Variants in RNPEPL1 observed in about 807,000 individuals in gnomAD.
RNPEPL1 encodes aminopeptidase RNPEPL1.
In RNPEPL1, 46 loss-of-function variants were observed where a neutral mutation model predicts 69.0. That is an observed-to-expected ratio of 0.67 (90% CI 0.53 to 0.85). The LOEUF (loss-of-function observed/expected upper bound fraction) is 0.85, where lower values mean the gene tolerates loss of function less well. RNPEPL1 is among the 40% of genes least tolerant of loss of function. The pLI is 0.00. For synonymous variants in RNPEPL1, 525 were observed against 454.1 expected, an observed-to-expected ratio of 1.16 and a Z score of -1.98; for missense variants, 869 against 992.5, an observed-to-expected ratio of 0.88 and a Z score of 1.67.
chr2:240,572,122 G>A (rs555944505), intron 1 of RNPEPL1, among the ~76,000 whole-genome samples: 18 of 152,108 alleles, frequency 1.2e-4, no homozygotes, highest in Admixed American at 2.6e-4. Flanking sequence ...CCCTTTTTTC[G>A]CCTTGGCGTT....
In RNPEPL1 at chr2:240,568,619, C is replaced by A. The variant is rs1383236925; in HGVS notation, c.33C>A (p.Pro11=). 2 of 994,114 alleles carry A rather than the reference C, an allele frequency of 2.0e-6. No homozygotes were observed. The highest frequency in any genetic ancestry group is 2.2e-4 in the East Asian group (2 of 9,164). 61.6% of individuals were successfully genotyped at this position (994,114 alleles called of 1,614,324 possible). A position where few individuals can be genotyped will look rare whatever the true frequency, so the allele number is the denominator to read the frequency against. The part of the protein sequence containing the change: MAAQCCCRQA[P]GAEAAPVRPP... ...CGCAGTGCTGCTGCCGCCAGGCGCC[C>A]GGCGCCGAGGCCGCGCCCGTCCGCC... is the stretch of plus-strand genomic sequence containing the variant. Residue 11 remains proline, a synonymous_variant, in exon 1 of 11, where the codon CCC becomes CCA. Transcript: ENST00000270357. The surrounding 1 kb of genome is among the most constrained non-coding windows in gnomAD (Gnocchi z 6.2).
intron 1 of RNPEPL1, among the ~76,000 whole-genome samples, chr2:240,571,480 GGTGATGT>G (rs2093021325): frequency 6.6e-6 from 1 of 152,178 alleles, no homozygotes; most frequent in African/African-American, 2.4e-5. Context: ...TTGGGACGAA[GGTGATGT>G]GGCTGTGGTT....
rs754966927 is a variant in RNPEPL1, at chr2:240,575,032, G to A, written c.1291G>A (p.Val431Met). 6.2e-7 allele frequency: 1 copy of A among 1,612,988 alleles called. No homozygotes were observed. Among genetic ancestry groups the A allele is most frequent in the African/African-American group, 1.3e-5 (1 of 75,052 alleles). The change falls in exon 7 of 11, where the codon GTG becomes ATG. Residue 431 changes from valine (V) to methionine (M), a missense_variant and splice_region_variant. Coordinates refer to ENST00000270357, the MANE Select transcript of RNPEPL1 (RefSeq NM_018226.6). ...CCAGGTGGGTGTTCACCTTGCAGGA[G>A]TGAATCCCAGCCACCTGATGAACCT... ...SKLQVKLEPG[V>M]NPSHLMNLFT...
At chr2:240,574,446 C>T (rs2093031949) in intron 5 of RNPEPL1, 69 bp from the exon 6 acceptor site, 1 of 1,531,254 alleles carries the variant, frequency 6.5e-7, no homozygotes. Flanking sequence ...TGCAGGTGCC[C>T]ACACCTCCTG....
chr2:240,578,083 T>C lies in RNPEPL1; in HGVS notation c.*191T>C. On this transcript the variant is annotated 3_prime_UTR_variant, in exon 11 of 11. Transcript: ENST00000270357. ...TGTGTCTGGCAGAGACCTGTGGACC[T>C]GGCCTCCCCACTCCCAGCTCTCTTG... The C allele has an allele frequency of 2.0e-6, 1 of 502,286 alleles. No individual in the cohort carries two copies. Among genetic ancestry groups the C allele is most frequent in the Non-Finnish European group, 3.3e-6 (1 of 298,840 alleles). The allele number at this position is 502,286 out of a possible 1,614,324, so 31.1% of individuals were successfully genotyped here. A position where few individuals can be genotyped will look rare whatever the true frequency, so the allele number is the denominator to read the frequency against.
chr2:240,575,085 C>T lies in RNPEPL1; in HGVS notation c.1344C>T (p.Phe448=), dbSNP rs374507932. The T allele has an allele frequency of 8.9e-5, 143 of 1,613,726 alleles. No individual in the cohort carries two copies. The highest frequency in any genetic ancestry group is 3.3e-4 in the Middle Eastern group (2 of 6,082). ...NLFTYEKGYC[F]VYYLSQLCGD... is the part of the protein sequence containing the mutation. ...TCACCTACGAGAAGGGCTACTGCTTCGTGTACTACCTGTCCCAGCTCTGCG... is the reference window on the plus strand; with the variant it reads ...TCACCTACGAGAAGGGCTACTGCTTTGTGTACTACCTGTCCCAGCTCTGCG... Residue 448 remains phenylalanine, a synonymous_variant, in exon 7 of 11, where the codon TTC becomes TTT. Transcript: ENST00000270357.
chr2:240,577,827 C>T lies in RNPEPL1; in HGVS notation c.2113C>T (p.Leu705=). 6.3e-7 allele frequency: 1 copy of T among 1,598,536 alleles called. No homozygotes were observed. Among genetic ancestry groups the T allele is most frequent in the Admixed American group, 1.7e-5 (1 of 59,138 alleles). Residue 705 remains leucine, a synonymous_variant, in exon 11 of 11, where the codon CTG becomes TTG. Coordinates refer to ENST00000270357, the MANE Select transcript of RNPEPL1 (RefSeq NM_018226.6). ...AGACACAGACTCGGACGCACAGGCCCTGCTGCTTGGGGACGAGGCCCCCAG... is the reference window on the plus strand; with the variant it reads ...AGACACAGACTCGGACGCACAGGCCTTGCTGCTTGGGGACGAGGCCCCCAG... ...EADTDSDAQA[L]LLGDEAPSSA... is the part of the protein sequence containing the mutation.
chr2:240,568,806 G>C lies in RNPEPL1; in HGVS notation c.220G>C (p.Ala74Pro). ...ELCALRPAPR[A>P]LVLDAHPALR... ...GTGCGCGCTGCGGCCCGCGCCCCGC[G>C]CGCTCGTGCTCGACGCGCACCCGGC... The change falls in exon 1 of 11, where the codon GCG becomes CCG. Residue 74 changes from alanine (A) to proline (P), a missense_variant. Coordinates refer to ENST00000270357, the MANE Select transcript of RNPEPL1 (RefSeq NM_018226.6). This position sits in a 1 kb window ranked among gnomAD's most constrained non-coding sequence, Gnocchi z 6.2. The C allele has an allele frequency of 3.7e-6, 4 of 1,094,098 alleles. No individual in the cohort carries two copies. The highest frequency in any genetic ancestry group is 4.4e-6 in the Non-Finnish European group (4 of 899,100). 67.8% of individuals were successfully genotyped at this position (1,094,098 alleles called of 1,614,324 possible).
intron 3 of RNPEPL1, among the ~76,000 whole-genome samples, chr2:240,573,496 C>T (rs1405763251): frequency 1.3e-5 from 2 of 152,234 alleles, no homozygotes; most frequent in African/African-American, 4.8e-5. Context: ...TCCTTCCTGC[C>T]AAGGCCCCCG....
intron 4 of RNPEPL1, 106 bp downstream of exon 4, chr2:240,573,997 G>T (rs948476172): frequency 7.2e-7 from 1 of 1,379,532 alleles, no homozygotes; most frequent in Admixed American, 2.0e-5. Context: ...TGGGGAGGAA[G>T]CGGAGCTCAC....
rs2093051462 is a variant in RNPEPL1 at position 240,581,311 on chromosome 2, A to G, written c.*3419A>G. On this transcript the variant is annotated 3_prime_UTR_variant, in exon 11 of 11. Coordinates refer to ENST00000270357, the MANE Select transcript of RNPEPL1 (RefSeq NM_018226.6). ...AAGAACAGGTAGTTTATAAAAAAGA[A>G]CCAGTCAGAGACCCTGGAAATTTTT... 6.6e-6 allele frequency: 1 copy of G among 152,270 alleles called. No homozygotes were observed. The highest frequency in any genetic ancestry group is 2.4e-5 in the African/African-American group (1 of 41,466). The allele number at this position is 152,270 out of a possible 1,614,324, so 9.4% of individuals were successfully genotyped here.
intron 3 of RNPEPL1, 87 bp downstream of exon 3, chr2:240,573,348 C>T (rs2093027959): frequency 7.8e-6 from 11 of 1,413,268 alleles, no homozygotes; most frequent in South Asian, 2.8e-5. Flanking sequence ...CCACGGCTGC[C>T]CTGCTGAGGA....
At chr2:240,575,377 C>T in intron 7 of RNPEPL1, 125 bp from the exon 8 acceptor site, 1 of 871,622 alleles carries the variant, frequency 1.1e-6, no homozygotes, top group East Asian at 2.5e-5. Flanking sequence ...TCCGCAGTGC[C>T]CACTAGCTGC....
At chr2:240,577,528 C>T (rs751995873) in intron 10 of RNPEPL1, 71 bp from the exon 11 acceptor site, 40 of 1,479,506 alleles carry the variant, frequency 2.7e-5, no homozygotes, top group South Asian at 6.8e-5. Context: ...GCCGCCTGGC[C>T]GGGCTGGCAG....
intron 7 of RNPEPL1, 49 bp from the exon 8 acceptor site, chr2:240,575,453 C>G: frequency 6.6e-7 from 1 of 1,504,116 alleles, no homozygotes; most frequent in Non-Finnish European, 9.2e-7. Context: ...GTGGGGCTGC[C>G]TGTGCCCCAC....
In RNPEPL1 at chr2:240,580,007, A is replaced by G. The variant is rs911347526; in HGVS notation, c.*2115A>G. On this transcript the variant is annotated 3_prime_UTR_variant, in exon 11 of 11. Coordinates refer to ENST00000270357, the MANE Select transcript of RNPEPL1 (RefSeq NM_018226.6). ...TTTGGGAAACTCAGCAGCAGTGCCC[A>G]GCGTCATGACCCTGGGGGCAGGAGG... The G allele has an allele frequency of 3.3e-5, 5 of 152,282 alleles. No individual in the cohort carries two copies. Among genetic ancestry groups the G allele is most frequent in the African/African-American group, 1.2e-4 (5 of 41,436 alleles). The allele number at this position is 152,282 out of a possible 1,614,324, so 9.4% of individuals were successfully genotyped here.
rs555743334 is a variant in RNPEPL1 at position 240,574,108 on chromosome 2, T to C, written c.939-5T>C. 1.9e-6 allele frequency: 3 copies of C among 1,611,876 alleles called. No individual in the cohort carries two copies. The Admixed American group carries it at 5.0e-5, about 27-fold the overall frequency. On this transcript the variant is annotated splice_polypyrimidine_tract_variant and splice_region_variant and intron_variant, in intron 4 of 10. Transcript: ENST00000270357. ...TCTGCCACCCTCACCGCCCTCCCGG[T>C]GCAGGTACGACATTGTCTTCCTGCC... is the stretch of plus-strand genomic sequence containing the variant.
intron 2 of RNPEPL1, 124 bp from the exon 3 acceptor site, chr2:240,572,986 A>T: frequency 8.6e-7 from 1 of 1,161,498 alleles, no homozygotes; most frequent in Non-Finnish European, 1.2e-6. Flanking sequence ...TCTGACAGAA[A>T]CGTTCCCTGA....
intron 3 of RNPEPL1, 58 bp downstream of exon 3, chr2:240,573,319 G>T (rs771448196): frequency 2.0e-6 from 3 of 1,500,416 alleles, no homozygotes; most frequent in Non-Finnish European, 1.8e-6. Flanking sequence ...GAGCCCCACC[G>T]GGGGTCTGTG....
Sources: gnomAD v4.1 joint callset for allele counts (sites outside exome capture counted in the v4.1 genomes callset) on GRCh38, gnomAD v4.1.1 for gene constraint, Gnocchi (gnomAD v3.1) non-coding constraint, MANE v1.5 for transcripts, NCBI Gene and HGNC (gene_info 2026-07-23, HGNC 2026-07-21) for gene names.